The following LINGO2 variants were observed in gnomAD, a reference collection of about 807,000 sequenced individuals.
LINGO2 encodes leucine-rich repeat and immunoglobulin-like domain-containing nogo receptor-interacting protein 2.
LINGO2 carries 14 observed loss-of-function variants against 30.6 expected under a neutral mutation model. That is an observed-to-expected ratio of 0.46 (90% confidence interval 0.30 to 0.72). The LOEUF (loss-of-function observed/expected upper bound fraction) is 0.72. Among genes scored for constraint, LINGO2 ranks in the 30% least tolerant of loss-of-function variants. The probability of loss-of-function intolerance (pLI) is 0.07; values close to 1 mark genes in which losing one functional copy is unlikely to be tolerated. For synonymous variants in LINGO2, 317 were observed against 288.5 expected (o/e 1.10, Z -1.00); for missense variants, 729 against 751.7 (o/e 0.97, Z 0.35).
At chr9:28,397,735 G>A (rs917760220) in intron 2 of LINGO2, among the ~76,000 whole-genome samples, 7 of 151,914 alleles carry the variant, frequency 4.6e-5, no homozygotes, top group Non-Finnish European at 1.0e-4. Context: ...TTTTAGTAGA[G>A]ACGGGGTTTC....
intron 4 of LINGO2, among the ~76,000 whole-genome samples, chr9:28,204,510 T>C (rs12238300): frequency 0.08 from 12,149 of 152,172 alleles, 691 homozygotes; most frequent in East Asian, 0.21. Context: ...TCTCAGTGAA[T>C]TGTTAGCGAC....
intron 1 of LINGO2, among the ~76,000 whole-genome samples, chr9:28,551,570 A>C (rs1453821157): frequency 3.9e-5 from 6 of 152,074 alleles, no homozygotes. Context: ...TATATAATTC[A>C]GTGGTTGTAC....
the LINGO2 span, among the ~76,000 whole-genome samples, chr9:29,017,491 TA>T: frequency 6.6e-6 from 1 of 152,102 alleles, no homozygotes; most frequent in East Asian, 1.9e-4. Context: ...ATAGCAATAT[TA>T]AAAATAATAA....
At chr9:28,836,085 A>C in the LINGO2 span, among the ~76,000 whole-genome samples, 2 of 152,224 alleles carry the variant, frequency 1.3e-5, no homozygotes, top group Non-Finnish European at 2.9e-5. Flanking sequence ...GCAGCAGAAG[A>C]CAACAAGAAA....
At chr9:29,163,343 T>G in the LINGO2 span, among the ~76,000 whole-genome samples, 46 of 152,312 alleles carry the variant, frequency 3.0e-4, no homozygotes, top group Admixed American at 2.5e-3. Flanking sequence ...ACTTTCAATA[T>G]TAACTCTTCC....
chr9:29,135,452 G>T, the LINGO2 span, among the ~76,000 whole-genome samples: 1 of 151,836 alleles, frequency 6.6e-6, no homozygotes, highest in Non-Finnish European at 1.5e-5. Context: ...CAGCTACTTG[G>T]GAGGCTGAGG....
At chr9:29,189,098 G>C in the LINGO2 span, among the ~76,000 whole-genome samples, 1 of 73,406 alleles carries the variant, frequency 1.4e-5, no homozygotes, top group African/African-American at 3.8e-5. Context: ...GCGGCTGGCC[G>C]ACCGCCCCGC....
intron 5 of LINGO2, among the ~76,000 whole-genome samples, chr9:28,010,408 T>C (rs1173345785): frequency 6.6e-6 from 1 of 152,182 alleles, no homozygotes; most frequent in Non-Finnish European, 1.5e-5. Context: ...TGGGCCCCTT[T>C]CCTCACCCAT....
intron 5 of LINGO2, among the ~76,000 whole-genome samples, chr9:27,985,887 A>C (rs1485453024): frequency 2.6e-5 from 4 of 151,812 alleles, no homozygotes; most frequent in Non-Finnish European, 4.4e-5. Flanking sequence ...AATCAAACGG[A>C]ACTTGTTATT....
chr9:28,778,667 C>T, the LINGO2 span, among the ~76,000 whole-genome samples: 1 of 152,050 alleles, frequency 6.6e-6, no homozygotes, highest in Non-Finnish European at 1.5e-5. Flanking sequence ...AAGATTATTC[C>T]TGATGAAATA....
rs201767513 is a variant in LINGO2, at chr9:28,237,614, C to T, written c.-87+57594G>A. On this transcript the variant is annotated intron_variant, in intron 4 of 5. Transcript: ENST00000379992. ...CCTGCAATCCCAGCACTTTGGAAGGCCGAGGCAGGTGGATCAGATCACAAG... is the reference window on the plus strand; with the variant it reads ...CCTGCAATCCCAGCACTTTGGAAGGTCGAGGCAGGTGGATCAGATCACAAG... 7.2e-5 allele frequency among the ~76,000 whole-genome samples: 11 copies of T among 152,256 alleles called. No homozygotes were observed. In the East Asian group the frequency reaches 2.1e-3, roughly 29 times the overall value.
chr9:29,084,988 C>T, the LINGO2 span, among the ~76,000 whole-genome samples: 1 of 142,214 alleles, frequency 7.0e-6, no homozygotes. Flanking sequence ...TGTTGTATTA[C>T]TTGTTTTGGT....
At chr9:28,443,746 GCCTGTGGGCGGC>G (rs946543100) in intron 2 of LINGO2, among the ~76,000 whole-genome samples, 5 of 152,208 alleles carry the variant, frequency 3.3e-5, no homozygotes, top group Non-Finnish European at 7.3e-5. Flanking sequence ...CTCAGTGTGG[GCCTGTGGGCGGC>G]CCTCAGCATG....
chr9:28,674,821 C>T (rs1829155065), upstream of LINGO2, among the ~76,000 whole-genome samples: 1 of 152,086 alleles, frequency 6.6e-6, no homozygotes, highest in Non-Finnish European at 1.5e-5. Flanking sequence ...TGGATGATTG[C>T]ATAAGGCTAA....
At chr9:28,398,901 C>A (rs1046364240) in intron 2 of LINGO2, among the ~76,000 whole-genome samples, 1 of 152,066 alleles carries the variant, frequency 6.6e-6, no homozygotes, top group Non-Finnish European at 1.5e-5. Context: ...ATTCAAATTA[C>A]CTGAGTGATA....
At chr9:28,733,013 T>C in the LINGO2 span, among the ~76,000 whole-genome samples, 1 of 152,210 alleles carries the variant, frequency 6.6e-6, no homozygotes, top group Non-Finnish European at 1.5e-5. Context: ...CATCCATCTG[T>C]ATACTCCATA....
chr9:29,204,668 C>T, the LINGO2 span, among the ~76,000 whole-genome samples: 1 of 152,184 alleles, frequency 6.6e-6, no homozygotes, highest in Admixed American at 6.5e-5. Context: ...AAACCAGAAA[C>T]ATACTGCATG....
intron 3 of LINGO2, among the ~76,000 whole-genome samples, chr9:28,326,147 C>G (rs1028306447): frequency 1.3e-5 from 2 of 152,174 alleles, no homozygotes; most frequent in African/African-American, 4.8e-5. Flanking sequence ...GCTGGAATCA[C>G]AGTCACCTGC....
chr9:27,982,966 C>G (rs1050837190), intron 5 of LINGO2, among the ~76,000 whole-genome samples: 1 of 151,746 alleles, frequency 6.6e-6, no homozygotes, highest in African/African-American at 2.4e-5. Flanking sequence ...GCACACAATA[C>G]GTACTCTGTC....
Sources: gnomAD v4.1 joint callset for allele counts (sites outside exome capture counted in the v4.1 genomes callset) on GRCh38, gnomAD v4.1.1 for gene constraint, MANE v1.5 for transcripts, NCBI Gene and HGNC (gene_info 2026-07-23, HGNC 2026-07-21) for gene names.